Variants in SLC44A1 observed in about 807,000 individuals in gnomAD.
SLC44A1 encodes choline transporter-like protein 1.
Under a neutral mutation model 79.3 loss-of-function variants are expected in SLC44A1, and 26 were observed. That is an observed-to-expected ratio of 0.33 (90% CI 0.24 to 0.46). The LOEUF is 0.46. Among genes scored for constraint, SLC44A1 ranks in the 20% least tolerant of loss-of-function variants. The probability of loss-of-function intolerance (pLI) is 1.00; values close to 1 mark genes in which losing one functional copy is unlikely to be tolerated. For missense variants in SLC44A1, 688 were observed against 798.1 expected (o/e 0.86, Z 1.66); for synonymous variants, 263 against 286.2 (o/e 0.92, Z 0.82).
chr9:105,281,421 A>G (rs1048505818), intron 1 of SLC44A1, among the ~76,000 whole-genome samples: 4 of 152,014 alleles, frequency 2.6e-5, no homozygotes, highest in Non-Finnish European at 5.9e-5. Context: ...ATTATTGCCT[A>G]TAATAGTTTT....
intron 4 of SLC44A1, among the ~76,000 whole-genome samples, chr9:105,338,330 A>G (rs547755083): frequency 6.6e-6 from 1 of 152,328 alleles, no homozygotes; most frequent in South Asian, 2.1e-4. Context: ...TAATTCCAAT[A>G]TTATCCTTAT....
At chr9:105,287,801 AGAAATCTT>A (rs1162214957) in intron 1 of SLC44A1, among the ~76,000 whole-genome samples, 1 of 152,178 alleles carries the variant, frequency 6.6e-6, no homozygotes, top group Non-Finnish European at 1.5e-5. Context: ...ATTCTTCAGG[AGAAATCTT>A]GCTCCTACCT....
chr9:105,348,269 G>T, intron 4 of SLC44A1, 89 bp from the exon 5 acceptor site: 1 of 683,554 alleles, frequency 1.5e-6, no homozygotes. Context: ...TTGGAAAGTT[G>T]CATATGTTGA....
chr9:105,300,226 G>A (rs1196853922), intron 2 of SLC44A1, among the ~76,000 whole-genome samples: 2 of 152,194 alleles, frequency 1.3e-5, no homozygotes, highest in African/African-American at 4.8e-5. Flanking sequence ...GCCCAGGTCT[G>A]TTCACTTCCA....
intron 15 of SLC44A1, among the ~76,000 whole-genome samples, chr9:105,425,021 T>C (rs533976523): frequency 6.6e-6 from 1 of 151,968 alleles, no homozygotes; most frequent in African/African-American, 2.4e-5. Context: ...TAAATAACCA[T>C]GGTAACACCT....
At chr9:105,261,306 C>T (rs945566875) in intron 1 of SLC44A1, among the ~76,000 whole-genome samples, 2 of 152,134 alleles carry the variant, frequency 1.3e-5, no homozygotes, top group African/African-American at 4.8e-5. Flanking sequence ...GCCTTCTTTC[C>T]CTTCTGCCAC....
chr9:105,361,762 T>G (rs537550101), intron 8 of SLC44A1, among the ~76,000 whole-genome samples: 204 of 152,344 alleles, frequency 1.3e-3, no homozygotes, highest in African/African-American at 4.7e-3. Flanking sequence ...ATTTCAAAAA[T>G]ATAGGTGTGG....
chr9:105,372,992 A>G (rs1024482105), intron 12 of SLC44A1, among the ~76,000 whole-genome samples: 9 of 151,962 alleles, frequency 5.9e-5, no homozygotes, highest in Non-Finnish European at 1.2e-4. Flanking sequence ...CCTGCTCAGT[A>G]CAATACTCTC....
intron 1 of SLC44A1, among the ~76,000 whole-genome samples, chr9:105,276,384 G>T (rs1830201718): frequency 1.3e-5 from 2 of 152,144 alleles, no homozygotes; most frequent in Non-Finnish European, 1.5e-5. Flanking sequence ...CATTCAGTAA[G>T]TAGTTTTTGA....
intron 15 of SLC44A1, among the ~76,000 whole-genome samples, chr9:105,415,034 A>G (rs768183448): frequency 2.6e-5 from 4 of 152,164 alleles, no homozygotes; most frequent in African/African-American, 9.7e-5. Context: ...TCAAGACTTT[A>G]CTGGGTTCTA....
At chr9:105,259,440 A>G (rs559227744) in intron 1 of SLC44A1, among the ~76,000 whole-genome samples, 17 of 152,356 alleles carry the variant, frequency 1.1e-4, no homozygotes, top group African/African-American at 3.8e-4. Context: ...TGGCCTCAAT[A>G]AAGTTGACTC....
At chr9:105,321,516 T>G (rs1588776516) in intron 3 of SLC44A1, among the ~76,000 whole-genome samples, 1 of 152,262 alleles carries the variant, frequency 6.6e-6, no homozygotes, top group African/African-American at 2.4e-5. Flanking sequence ...AAATAACTAG[T>G]TGCAGCAAAT....
chr9:105,309,136 C>T (rs1207195928), intron 2 of SLC44A1, among the ~76,000 whole-genome samples: 2 of 152,186 alleles, frequency 1.3e-5, no homozygotes, highest in African/African-American at 2.4e-5. Flanking sequence ...AGGAAGGAAA[C>T]AGAAGTATTG....
intron 2 of SLC44A1, among the ~76,000 whole-genome samples, chr9:105,303,530 A>C (rs189683678): frequency 5.8e-4 from 89 of 152,330 alleles, no homozygotes; most frequent in African/African-American, 2.1e-3. Flanking sequence ...CACTGTTCTT[A>C]GCACTTGACA....
chr9:105,342,876 G>A (rs989490132), intron 4 of SLC44A1, among the ~76,000 whole-genome samples: 8 of 151,758 alleles, frequency 5.3e-5, no homozygotes, highest in Admixed American at 2.6e-4. Flanking sequence ...GTAGTGATGC[G>A]TGCCTGTATT....
At position 105,356,264 on chromosome 9, in the gene SLC44A1, G is replaced by T. The variant is rs142281369; in HGVS notation, c.553G>T (p.Ala185Ser). 6.2e-7 allele frequency: 1 copy of T among 1,613,230 alleles called. No individual in the cohort carries two copies. The highest frequency in any genetic ancestry group is 1.3e-5 in the African/African-American group (1 of 74,740). The change falls in exon 6 of 16, where the codon GCC (alanine) becomes TCC (serine). Residue 185 changes from alanine (A) to serine (S), a missense_variant. Physicochemically the swap from Ala to Ser is moderately conservative, Grantham distance 99 (BLOSUM62 1). Coordinates refer to ENST00000374720, the MANE Select transcript of SLC44A1 (RefSeq NM_080546.5). The part of the protein sequence containing the change: ...RCAPVNISCY[A>S]KFAEALITFV... ...TGCTCCTGTGAACATTTCCTGCTAT[G>T]CCAAGTTTGCAGAGGCCCTGATCAC...
intron 2 of SLC44A1, among the ~76,000 whole-genome samples, chr9:105,301,955 ACCTAT>A (rs1017786700): frequency 1.3e-5 from 2 of 152,196 alleles, no homozygotes. Flanking sequence ...ATTTTTTGAT[ACCTAT>A]GGTCTAGTTC....
chr9:105,404,410 A>C (rs1588871675), intron 15 of SLC44A1, among the ~76,000 whole-genome samples: 1 of 152,314 alleles, frequency 6.6e-6, no homozygotes, highest in South Asian at 2.1e-4. Flanking sequence ...ATTGGAAAAT[A>C]ATTTACTTTT....
intron 13 of SLC44A1, among the ~76,000 whole-genome samples, chr9:105,381,682 A>G (rs998411638): frequency 6.6e-6 from 1 of 152,248 alleles, no homozygotes; most frequent in African/African-American, 2.4e-5. Flanking sequence ...ATAAGTCACT[A>G]TAAGAGAAGA....
Sources: allele counts gnomAD v4.1 joint callset (sites outside exome capture counted in the v4.1 genomes callset), GRCh38; gene constraint gnomAD v4.1.1; transcripts MANE v1.5; gene names NCBI Gene and HGNC (gene_info 2026-07-23, HGNC 2026-07-21).